Variants in DGKI observed in about 807,000 individuals in gnomAD.
DGKI encodes the protein diacylglycerol kinase iota, also known as DAG kinase iota.
DGKI carries 55 observed loss-of-function variants against 147.5 expected under a neutral mutation model. That is an observed-to-expected ratio of 0.37 (90% CI 0.30 to 0.47). The LOEUF is 0.47. Ranked by LOEUF, DGKI falls within the 20% of genes least tolerant of loss-of-function variation. The probability of loss-of-function intolerance (pLI) is 1.00; values close to 1 mark genes in which losing one functional copy is unlikely to be tolerated. For missense variants in DGKI, 1,007 were observed against 1,323.8 expected, an observed-to-expected ratio of 0.76 and a Z score of 3.71; for synonymous variants, 469 against 477.1, an observed-to-expected ratio of 0.98 and a Z score of 0.22.
intron 1 of DGKI, among the ~76,000 whole-genome samples, chr7:137,745,756 G>A (rs765170714): frequency 5.3e-5 from 8 of 152,096 alleles, no homozygotes; most frequent in Non-Finnish European, 1.0e-4. Context: ...GTGAATAGAT[G>A]AGAGTTCTCA....
rs1233568344 is a variant in DGKI at position 137,390,226 on chromosome 7, A to C, written c.*994T>G. 6.6e-6 allele frequency: 1 copy of C among 152,232 alleles called. No homozygotes were observed. The highest frequency in any genetic ancestry group is 2.4e-5 in the African/African-American group (1 of 41,406). 9.4% of individuals were successfully genotyped at this position (152,232 alleles called of 1,614,324 possible). A position where few individuals can be genotyped will look rare whatever the true frequency, so the allele number is the denominator to read the frequency against. On this transcript the variant is annotated 3_prime_UTR_variant, in exon 33 of 33. Coordinates refer to ENST00000614521, the MANE Select transcript of DGKI (RefSeq NM_001321708.2). ...ATTAGGGTGCTTTCTATTATCATTC[A>C]ACAAAGTTTAGAAGTAAACATTGTT...
chr7:137,800,355 G>A (rs1220942415), intron 1 of DGKI, among the ~76,000 whole-genome samples: 3 of 152,116 alleles, frequency 2.0e-5, no homozygotes, highest in Admixed American at 6.5e-5. Flanking sequence ...GGGTCATGGG[G>A]GCAGATCCCT....
At chr7:137,640,185 C>T (rs1821574119) in intron 6 of DGKI, among the ~76,000 whole-genome samples, 1 of 151,936 alleles carries the variant, frequency 6.6e-6, no homozygotes, top group Admixed American at 6.6e-5. Flanking sequence ...CCCATTTCCC[C>T]CTCCCAGGAC....
At chr7:137,661,199 G>A (rs1035563457) in intron 3 of DGKI, among the ~76,000 whole-genome samples, 11 of 152,158 alleles carry the variant, frequency 7.2e-5, no homozygotes, top group Admixed American at 5.2e-4. Context: ...AATCACCAGA[G>A]ATGGGACATG....
intron 31 of DGKI, among the ~76,000 whole-genome samples, chr7:137,396,319 G>A (rs1280482828): frequency 6.6e-6 from 1 of 152,162 alleles, no homozygotes; most frequent in Non-Finnish European, 1.5e-5. Context: ...TGAGAGCCAG[G>A]GCTCTCCCCA....
chr7:137,691,802 T>TTTTTTTTTTTTG (rs1823616190), intron 1 of DGKI, among the ~76,000 whole-genome samples: 4 of 122,272 alleles, frequency 3.3e-5, no homozygotes, highest in Admixed American at 3.0e-4. Context: ...CTTTGGGTTT[T>TTTTTTTTTTTTG]TTTTTTTTTT....
intron 6 of DGKI, among the ~76,000 whole-genome samples, chr7:137,624,115 C>T (rs1164993895): frequency 6.6e-6 from 1 of 152,158 alleles, no homozygotes; most frequent in Non-Finnish European, 1.5e-5. Context: ...AATTTTTATT[C>T]TTTACCAGGA....
At chr7:137,564,546 T>C (rs550218176) in intron 19 of DGKI, among the ~76,000 whole-genome samples, 4 of 151,348 alleles carry the variant, frequency 2.6e-5, no homozygotes, top group African/African-American at 9.8e-5. Flanking sequence ...CATTAAAATA[T>C]GCAAAAAAAC....
At chr7:137,723,788 C>T (rs907551320) in intron 1 of DGKI, among the ~76,000 whole-genome samples, 5 of 144,972 alleles carry the variant, frequency 3.4e-5, no homozygotes, top group Non-Finnish European at 7.4e-5. Flanking sequence ...TGGCTCACTG[C>T]AAACTCCGCC....
At chr7:137,440,014 G>A (rs969859444) in intron 28 of DGKI, among the ~76,000 whole-genome samples, 3 of 152,198 alleles carry the variant, frequency 2.0e-5, no homozygotes, top group African/African-American at 7.2e-5. Flanking sequence ...GTGAAGCAGC[G>A]GTAAGCGCAG....
At chr7:137,416,294 C>G (rs1812357937) in intron 28 of DGKI, among the ~76,000 whole-genome samples, 1 of 152,146 alleles carries the variant, frequency 6.6e-6, no homozygotes, top group Non-Finnish European at 1.5e-5. Flanking sequence ...AAACTCTTGA[C>G]TAGGTGTGGA....
At chr7:137,410,271 G>A (rs1239513923) in intron 29 of DGKI, among the ~76,000 whole-genome samples, 2 of 152,122 alleles carry the variant, frequency 1.3e-5, no homozygotes, top group Admixed American at 6.5e-5. Flanking sequence ...TGGGTGTGGT[G>A]GCAGGCACCT....
chr7:137,764,678 G>C (rs997405020), intron 1 of DGKI, among the ~76,000 whole-genome samples: 1 of 152,110 alleles, frequency 6.6e-6, no homozygotes, highest in Non-Finnish European at 1.5e-5. Context: ...AGCCCTAGTT[G>C]GTACCTTTTG....
chr7:137,665,893 C>CA (rs978840946), intron 3 of DGKI, among the ~76,000 whole-genome samples: 12 of 152,110 alleles, frequency 7.9e-5, no homozygotes, highest in Admixed American at 7.2e-4. Context: ...GAAAGACACA[C>CA]AAAAAACCTT....
At chr7:137,563,102 A>G (rs1440532765) in intron 19 of DGKI, among the ~76,000 whole-genome samples, 1 of 152,254 alleles carries the variant, frequency 6.6e-6, no homozygotes, top group East Asian at 1.9e-4. Context: ...CAAGATCAGT[A>G]TAAGATTTTT....
chr7:137,798,591 T>C (rs894747827), intron 1 of DGKI, among the ~76,000 whole-genome samples: 2 of 152,058 alleles, frequency 1.3e-5, no homozygotes, highest in Non-Finnish European at 2.9e-5. Flanking sequence ...AGCTAATTTT[T>C]GTATTTTTTG....
At chr7:137,471,545 A>G (rs1033641849) in intron 23 of DGKI, among the ~76,000 whole-genome samples, 6 of 152,282 alleles carry the variant, frequency 3.9e-5, no homozygotes, top group Admixed American at 1.3e-4. Flanking sequence ...CAGAAACACA[A>G]ATTTCCAGGG....
chr7:137,511,622 C>T (rs775190595), intron 21 of DGKI, among the ~76,000 whole-genome samples: 26 of 152,142 alleles, frequency 1.7e-4, no homozygotes, highest in Non-Finnish European at 2.9e-4. Context: ...TTCAATAGAT[C>T]GTTGTTAAAT....
intron 1 of DGKI, among the ~76,000 whole-genome samples, chr7:137,712,039 G>A (rs963892019): frequency 6.6e-6 from 1 of 151,966 alleles, no homozygotes; most frequent in African/African-American, 2.4e-5. Flanking sequence ...ATGAATGTAT[G>A]GCATTTAAGT....
Sources: gnomAD v4.1 joint callset for allele counts (sites outside exome capture counted in the v4.1 genomes callset) on GRCh38, gnomAD v4.1.1 for gene constraint, MANE v1.5 for transcripts, NCBI Gene and HGNC (gene_info 2026-07-23, HGNC 2026-07-21) for gene names.